MAPKAP1: variants seen among roughly 807,000 people sequenced by gnomAD.
MAPKAP1 encodes the protein MAPK associated protein 1.
MAPKAP1 carries 20 observed loss-of-function variants against 65.7 expected under a neutral mutation model. The ratio of observed to expected loss-of-function variants is 0.30; its 90% CI spans 0.21 to 0.44. The LOEUF is 0.44. MAPKAP1 is among the 20% of genes least tolerant of loss of function. The pLI is 1.00. For missense variants in MAPKAP1, 423 were observed against 648.0 expected (o/e 0.65, Z 3.77); for synonymous variants, 222 against 244.3 (o/e 0.91, Z 0.85).
At chr9:125,613,187 G>A (rs766182466) in intron 4 of MAPKAP1, among the ~76,000 whole-genome samples, 1 of 152,126 alleles carries the variant, frequency 6.6e-6, no homozygotes, top group African/African-American at 2.4e-5. Flanking sequence ...CCAAAGAAAC[G>A]AAGTCCAACG....
intron 3 of MAPKAP1, among the ~76,000 whole-genome samples, chr9:125,658,284 A>G (rs188116188): frequency 3.3e-5 from 5 of 152,354 alleles, no homozygotes; most frequent in Admixed American, 2.6e-4. Flanking sequence ...TGCACCTTGT[A>G]CAAACTCTTG....
intron 6 of MAPKAP1, among the ~76,000 whole-genome samples, chr9:125,548,434 A>G (rs950501883): frequency 1.3e-5 from 2 of 152,198 alleles, no homozygotes; most frequent in Non-Finnish European, 1.5e-5. Context: ...GCTCTAAACC[A>G]TGCTAGGAGA....
At chr9:125,503,172 G>A (rs1829035035) in intron 8 of MAPKAP1, among the ~76,000 whole-genome samples, 1 of 152,200 alleles carries the variant, frequency 6.6e-6, no homozygotes, top group South Asian at 2.1e-4. Context: ...CCATCTTACA[G>A]ATGACAACAA....
chr9:125,496,731 C>T (rs1854964005), intron 8 of MAPKAP1, among the ~76,000 whole-genome samples: 1 of 152,172 alleles, frequency 6.6e-6, no homozygotes, highest in South Asian at 2.1e-4. Context: ...CTTCTTCCCT[C>T]TCTCCGTTTC....
At chr9:125,584,097 C>G (rs148777262) in intron 5 of MAPKAP1, among the ~76,000 whole-genome samples, 1 of 152,042 alleles carries the variant, frequency 6.6e-6, no homozygotes, top group South Asian at 2.1e-4. Context: ...CAGACAACAT[C>G]GATAAAGTCA....
chr9:125,602,297 G>C (rs1832321409), intron 4 of MAPKAP1, among the ~76,000 whole-genome samples: 1 of 152,078 alleles, frequency 6.6e-6, no homozygotes, highest in African/African-American at 2.4e-5. Flanking sequence ...TGAAAGAAGA[G>C]ATAAATTACT....
chr9:125,675,206 T>C (rs1834610612), intron 1 of MAPKAP1, among the ~76,000 whole-genome samples: 1 of 152,192 alleles, frequency 6.6e-6, no homozygotes, highest in South Asian at 2.1e-4. Flanking sequence ...TTCAAATTCA[T>C]ACTGAATAGT....
At chr9:125,573,959 A>G (rs554565680) in intron 5 of MAPKAP1, among the ~76,000 whole-genome samples, 1 of 152,318 alleles carries the variant, frequency 6.6e-6, no homozygotes, top group East Asian at 1.9e-4. Context: ...CACTTCCTTC[A>G]ATAGACTGTG....
chr9:125,578,629 C>T (rs1365835090), intron 5 of MAPKAP1, among the ~76,000 whole-genome samples: 2 of 152,008 alleles, frequency 1.3e-5, no homozygotes, highest in Non-Finnish European at 2.9e-5. Context: ...AAGAAACAGG[C>T]AAGACACAAT....
At chr9:125,511,446 T>C (rs553882096) in intron 7 of MAPKAP1, among the ~76,000 whole-genome samples, 19 of 152,260 alleles carry the variant, frequency 1.2e-4, no homozygotes, top group African/African-American at 4.6e-4. Context: ...AGAGAATTCA[T>C]ACCTAGGACT....
intron 6 of MAPKAP1, 94 bp from the exon 7 acceptor site, chr9:125,543,262 G>A: frequency 1.1e-6 from 1 of 937,684 alleles, no homozygotes. Context: ...TTTTTTTGTT[G>A]TTGTTTGTTT....
At chr9:125,648,047 C>G (rs1296692894) in intron 4 of MAPKAP1, among the ~76,000 whole-genome samples, 10 of 151,836 alleles carry the variant, frequency 6.6e-5, no homozygotes, top group Non-Finnish European at 1.5e-4. Flanking sequence ...GTTTCAAGTC[C>G]ACTGCTAAAG....
chr9:125,583,886 A>T (rs1422577174), intron 5 of MAPKAP1, among the ~76,000 whole-genome samples: 1 of 152,062 alleles, frequency 6.6e-6, no homozygotes. Flanking sequence ...ACACGGTGAA[A>T]CCCCGTCTCT....
intron 4 of MAPKAP1, among the ~76,000 whole-genome samples, chr9:125,598,193 T>C (rs905016875): frequency 6.6e-6 from 1 of 152,204 alleles, no homozygotes; most frequent in African/African-American, 2.4e-5. Flanking sequence ...ACTGAATTTA[T>C]AAATGGATTT....
At chr9:125,580,767 C>T (rs145632298) in intron 5 of MAPKAP1, among the ~76,000 whole-genome samples, 6 of 152,030 alleles carry the variant, frequency 3.9e-5, no homozygotes, top group African/African-American at 1.4e-4. Context: ...TAGTTCTACA[C>T]ATTGGATTAC....
chr9:125,469,370 A>T (rs1853810703), intron 9 of MAPKAP1, among the ~76,000 whole-genome samples: 1 of 152,198 alleles, frequency 6.6e-6, no homozygotes, highest in East Asian at 1.9e-4. Flanking sequence ...AATAAAACAC[A>T]CACACACCCC....
At chr9:125,575,931 T>C (rs946470319) in intron 5 of MAPKAP1, among the ~76,000 whole-genome samples, 20 of 152,194 alleles carry the variant, frequency 1.3e-4, no homozygotes, top group African/African-American at 4.6e-4. Flanking sequence ...TTCCCAAAAA[T>C]TAGAAGCAAC....
chr9:125,468,820 G>A (rs994098276), intron 9 of MAPKAP1, among the ~76,000 whole-genome samples: 1 of 152,172 alleles, frequency 6.6e-6, no homozygotes, highest in African/African-American at 2.4e-5. Context: ...AATCCAGAAT[G>A]TTCAATACTG....
intron 5 of MAPKAP1, among the ~76,000 whole-genome samples, chr9:125,582,206 C>G (rs1428074285): frequency 6.6e-6 from 1 of 152,104 alleles, no homozygotes; most frequent in Non-Finnish European, 1.5e-5. Flanking sequence ...TTAATTGGTT[C>G]TTTTCTAAAT....
Sources: gnomAD v4.1 joint callset for allele counts (sites outside exome capture counted in the v4.1 genomes callset) on GRCh38, gnomAD v4.1.1 for gene constraint, MANE v1.5 for transcripts, NCBI Gene and HGNC (gene_info 2026-07-23, HGNC 2026-07-21) for gene names.